Variants in ZNF507 observed in about 807,000 individuals in gnomAD.
ZNF507 encodes the protein zinc finger protein 507.
ZNF507 carries 29 observed loss-of-function variants against 80.0 expected under a neutral mutation model. The ratio of observed to expected loss-of-function variants is 0.36; its 90% confidence interval spans 0.27 to 0.49. The LOEUF is 0.49. Among genes scored for constraint, ZNF507 ranks in the 20% least tolerant of loss-of-function variants. ZNF507 has a pLI of 0.98. For missense variants in ZNF507, 1,081 were observed against 1,152.2 expected (o/e 0.94, Z 0.90); for synonymous variants, 462 against 422.5 (o/e 1.09, Z -1.15).
chr19:32,374,414 T>TTA (rs1967518553), intron 5 of ZNF507, among the ~76,000 whole-genome samples: 1 of 152,038 alleles, frequency 6.6e-6, no homozygotes, highest in Non-Finnish European at 1.5e-5. Context: ...TTAAGGTATA[T>TTA]CATTATATTA....
At position 32,345,787 on chromosome 19, in the gene ZNF507, C is replaced by T; in HGVS notation, c.-97+4C>T. On this transcript the variant is annotated splice_donor_region_variant and intron_variant, in intron 1 of 6. Transcript: ENST00000355898. ...AGCAGCCGCCGCCTGACCGCAGGTA[C>T]CGCGCCCCGGGGCCGCCCCTCCGCC... is the stretch of plus-strand genomic sequence containing the variant. The T allele has an allele frequency of 6.5e-6, 1 of 154,620 alleles. No individual in the cohort carries two copies. The highest frequency in any genetic ancestry group is 1.9e-4 in the South Asian group (1 of 5,306). The allele number at this position is 154,620 out of a possible 1,614,324, so 9.6% of individuals were successfully genotyped here.
chr19:32,370,273 C>T (rs1433352858), intron 5 of ZNF507, among the ~76,000 whole-genome samples: 5 of 152,206 alleles, frequency 3.3e-5, no homozygotes. Context: ...AGAGGGATTT[C>T]TGGGTCGTGT....
Position 32,386,731 on chromosome 19 carries a change from GCTT to G in ZNF507, c.*3652_*3654del, listed in dbSNP as rs1368837289. ...AGAACAGTGAGGCAAGGTCTGTAGT[GCTT>G]CTTTAACTACCTTTGGAAATACTGT... On this transcript the variant is annotated 3_prime_UTR_variant, in exon 7 of 7. Coordinates refer to ENST00000355898, the MANE Select transcript of ZNF507 (RefSeq NM_001136156.2). 2.6e-4 allele frequency: 39 copies of G among 152,590 alleles called. No homozygotes were observed. Among genetic ancestry groups the G allele is most frequent in the Admixed American group, 2.6e-3 (39 of 15,280 alleles). 9.5% of individuals were successfully genotyped at this position (152,590 alleles called of 1,614,324 possible).
intron 2 of ZNF507, among the ~76,000 whole-genome samples, chr19:32,349,768 C>T (rs1435130704): frequency 3.3e-5 from 5 of 152,134 alleles, no homozygotes; most frequent in African/African-American, 1.2e-4. Context: ...TTATTATGAT[C>T]TGTTTAGCCT....
In ZNF507 at chr19:32,384,334, A is replaced by G. The variant is rs1967661531; in HGVS notation, c.*1251A>G. On this transcript the variant is annotated 3_prime_UTR_variant, in exon 7 of 7. Coordinates refer to ENST00000355898, the MANE Select transcript of ZNF507 (RefSeq NM_001136156.2). Reference sequence around the variant, plus strand: ...ACCATCAAATAGATGTAATCTTATTAATTACACATTTTGTATTTTAATTAT... The same window carrying G: ...ACCATCAAATAGATGTAATCTTATTGATTACACATTTTGTATTTTAATTAT... 1 of 152,236 alleles carries G rather than the reference A, an allele frequency of 6.6e-6. No homozygotes were observed. The highest frequency in any genetic ancestry group is 2.4e-5 in the African/African-American group (1 of 41,464). 9.4% of individuals were successfully genotyped at this position (152,236 alleles called of 1,614,324 possible).
intron 5 of ZNF507, among the ~76,000 whole-genome samples, chr19:32,364,412 G>T (rs138176496): frequency 1.3e-5 from 2 of 151,940 alleles, no homozygotes; most frequent in Non-Finnish European, 1.5e-5. Flanking sequence ...GTGGTAATTT[G>T]TGAGAACCTG....
In ZNF507 at chr19:32,383,525, A is replaced by G. The variant is rs1406141365; in HGVS notation, c.*442A>G. The G allele has an allele frequency of 1.9e-5, 3 of 156,804 alleles. No homozygotes were observed. Among genetic ancestry groups the G allele is most frequent in the Non-Finnish European group, 4.2e-5 (3 of 70,838 alleles). 9.7% of individuals were successfully genotyped at this position (156,804 alleles called of 1,614,324 possible). ...CAGACTGTGAGGCCTCCAGTGAGAA[A>G]TGGGAGGCAGTTCTGGGAGGGGGTT... is the stretch of plus-strand genomic sequence containing the variant. On this transcript the variant is annotated 3_prime_UTR_variant, in exon 7 of 7. Coordinates refer to ENST00000355898, the MANE Select transcript of ZNF507 (RefSeq NM_001136156.2).
At chr19:32,351,537 C>G (rs10410455) in intron 2 of ZNF507, among the ~76,000 whole-genome samples, 300 of 4,518 alleles carry the variant, frequency 0.066, 19 homozygotes, top group Middle Eastern at 0.12. Flanking sequence ...TGGGGGCGGG[C>G]GGGGCCTGGC....
At chr19:32,380,757 C>A in intron 5 of ZNF507, 1 of 837,620 alleles carries the variant, frequency 1.2e-6, no homozygotes, top group Non-Finnish European at 1.9e-6. Flanking sequence ...GAGTGTTTGC[C>A]CAAATGATGA....
intron 2 of ZNF507, among the ~76,000 whole-genome samples, chr19:32,351,470 TGGC>T (rs1568301908): frequency 3.9e-4 from 40 of 102,606 alleles, no homozygotes; most frequent in African/African-American, 5.5e-4. Context: ...TGTGTGTGTG[TGGC>T]GTGGGGGGGC....
chr19:32,379,395 G>C (rs1208245516), intron 5 of ZNF507, among the ~76,000 whole-genome samples: 2 of 152,114 alleles, frequency 1.3e-5, no homozygotes, highest in East Asian at 3.9e-4. Context: ...GAGAATGCAG[G>C]CTGTAAAAGC....
At chr19:32,376,873 A>AG (rs1491127497) in intron 5 of ZNF507, among the ~76,000 whole-genome samples, 1 of 152,152 alleles carries the variant, frequency 6.6e-6, no homozygotes, top group Non-Finnish European at 1.5e-5. Flanking sequence ...TCCACTGGAC[A>AG]GGGGGCCCTT....
intron 5 of ZNF507, 60 bp downstream of exon 5, chr19:32,360,678 TA>T: frequency 1.1e-6 from 1 of 905,936 alleles, no homozygotes; most frequent in African/African-American, 1.7e-5. Context: ...ATTAAAGAAA[TA>T]AAATGAAATA....
intron 2 of ZNF507, among the ~76,000 whole-genome samples, chr19:32,350,729 T>G (rs1967152053): frequency 6.6e-6 from 1 of 152,218 alleles, no homozygotes; most frequent in Admixed American, 6.5e-5. Flanking sequence ...GGGTGTTACA[T>G]TTCATGGGGA....
At position 32,353,819 on chromosome 19, in the gene ZNF507, A is replaced by G. The variant is rs1466403310; in HGVS notation, c.989A>G (p.Glu330Gly). The change falls in exon 3 of 7, where the codon GAA (glutamate) becomes GGA (glycine). Residue 330 changes from glutamate to glycine, a missense_variant. Physicochemically the swap from Glu to Gly is moderately conservative, Grantham distance 98 (BLOSUM62 -2). This residue lies in a region of ZNF507 where 614 missense variants were observed against 583.9 expected (regional missense o/e 1.05). Coordinates refer to ENST00000355898, the MANE Select transcript of ZNF507 (RefSeq NM_001136156.2). ...PSVQVQICSS[E>G]QLSSSSPLEQ... ...GTGCAAGTGCAGATTTGCAGCTCAG[A>G]ACAGTTATCATCTTCATCTCCTTTA... is the stretch of plus-strand genomic sequence containing the variant. 1 of 1,614,224 alleles carries G rather than the reference A, an allele frequency of 6.2e-7. No individual in the cohort carries two copies. The highest frequency in any genetic ancestry group is 1.1e-5 in the South Asian group (1 of 91,086).
intron 3 of ZNF507, 75 bp downstream of exon 3, chr19:32,355,032 C>A: frequency 1.5e-6 from 2 of 1,359,348 alleles, no homozygotes; most frequent in Middle Eastern, 3.8e-4. Context: ...TAGATCTAAT[C>A]CAATCACCTC....
chr19:32,352,638 G>A (rs904238974), intron 2 of ZNF507, among the ~76,000 whole-genome samples, 191 bp from the exon 3 acceptor site: 1 of 152,196 alleles, frequency 6.6e-6, no homozygotes, highest in East Asian at 1.9e-4. Flanking sequence ...ATAGAAGATT[G>A]CATTGTAAAG....
chr19:32,353,839 C>T lies in ZNF507; in HGVS notation c.1009C>T (p.Pro337Ser). The change falls in exon 3 of 7, where the codon CCT becomes TCT. Residue 337 changes from proline to serine, a missense_variant. Physicochemically the swap from Pro to Ser is moderately conservative, Grantham distance 74. Coordinates refer to ENST00000355898, the MANE Select transcript of ZNF507 (RefSeq NM_001136156.2). ...CSSEQLSSSSPLEQSAERGVH... is the reference protein window; with the variant it reads ...CSSEQLSSSSSLEQSAERGVH... ...CTCAGAACAGTTATCATCTTCATCT[C>T]CTTTAGAACAGAGTGCAGAAAGAGG... 1.9e-6 allele frequency: 3 copies of T among 1,614,138 alleles called. No homozygotes were observed. The highest frequency in any genetic ancestry group is 1.7e-5 in the Admixed American group (1 of 60,018).
chr19:32,380,764 A>G (rs1967612826), intron 5 of ZNF507: 1 of 811,738 alleles, frequency 1.2e-6, no homozygotes, highest in East Asian at 2.7e-5. Context: ...TGCCCAAATG[A>G]TGACAACTTT....
Sources: allele counts gnomAD v4.1 joint callset (sites outside exome capture counted in the v4.1 genomes callset), GRCh38; gene constraint gnomAD v4.1.1; regional missense constraint gnomAD v4.1.1; transcripts MANE v1.5; gene names NCBI Gene and HGNC (gene_info 2026-07-23, HGNC 2026-07-21).